NRCAM: variants seen among roughly 807,000 people sequenced by gnomAD.
NRCAM encodes the protein neuronal cell adhesion molecule.
A neutral mutation model predicts 156.5 loss-of-function variants in NRCAM; 83 were observed. That is an observed-to-expected ratio of 0.53 (90% CI 0.44 to 0.64). The LOEUF (loss-of-function observed/expected upper bound fraction) is 0.64. NRCAM is among the 30% of genes least tolerant of loss of function. The pLI, the probability that NRCAM is intolerant of heterozygous loss-of-function variation, is 0.00. For synonymous variants in NRCAM, 538 were observed against 563.9 expected, an observed-to-expected ratio of 0.95 and a Z score of 0.65; for missense variants, 1,417 against 1,597.3, an observed-to-expected ratio of 0.89 and a Z score of 1.92.
intron 13 of NRCAM, among the ~76,000 whole-genome samples, chr7:108,205,200 G>C (rs1402949757): frequency 6.6e-6 from 1 of 152,198 alleles, no homozygotes; most frequent in Non-Finnish European, 1.5e-5. Flanking sequence ...GAGGGAGCCC[G>C]TATGCTCCTT....
At position 108,178,148 on chromosome 7, in the gene NRCAM, C is replaced by T. The variant is rs79612390; in HGVS notation, c.2852-36G>A. ...GAACTTACAGTCAACACAAAGATTT[C>T]TGAATGTTTCAACATGTATTAAATT... On this transcript the variant is annotated intron_variant, in intron 25 of 32. Coordinates refer to ENST00000379028, the MANE Select transcript of NRCAM (RefSeq NM_001037132.4). The T allele has an allele frequency of 9.1e-4, 1,454 of 1,599,560 alleles. 10 individuals carry two copies. The East Asian group carries it at 0.016, about 18-fold the overall frequency.
intron 1 of NRCAM, among the ~76,000 whole-genome samples, chr7:108,430,534 T>C (rs1430230123): frequency 6.6e-6 from 1 of 152,106 alleles, no homozygotes; most frequent in Non-Finnish European, 1.5e-5. Flanking sequence ...TGCCAGAAAC[T>C]GAGATGAAGC....
chr7:108,243,149 C>T (rs991684702), intron 3 of NRCAM: 1 of 152,084 alleles, frequency 6.6e-6, no homozygotes, highest in Non-Finnish European at 1.5e-5. Flanking sequence ...TAAACTGCAC[C>T]ATTAGCCACA....
chr7:108,454,961 G>A lies in NRCAM; in HGVS notation c.-332+1282C>T, dbSNP rs1047770614. Reference sequence around the variant, plus strand: ...GAAGAAAAGGGAAGGAGAGAGGCGGGGTGCGAAAGAAACGCCACCGCTCGG... The same window carrying A: ...GAAGAAAAGGGAAGGAGAGAGGCGGAGTGCGAAAGAAACGCCACCGCTCGG... On this transcript the variant is annotated intron_variant, in intron 1 of 32. Coordinates refer to ENST00000379028, the MANE Select transcript of NRCAM (RefSeq NM_001037132.4). Among the ~76,000 whole-genome samples, 12 of 152,230 alleles carry A rather than the reference G, an allele frequency of 7.9e-5. 1 individual carries two copies. Among genetic ancestry groups the A allele is most frequent in the African/African-American group, 2.9e-4 (12 of 41,466 alleles).
chr7:108,391,228 A>C (rs535982782), intron 2 of NRCAM, among the ~76,000 whole-genome samples: 14 of 151,668 alleles, frequency 9.2e-5, no homozygotes, highest in Non-Finnish European at 1.6e-4. Context: ...GTAGGTCACT[A>C]AGGACTTGCT....
chr7:108,447,776 T>A (rs1389726147), intron 1 of NRCAM, among the ~76,000 whole-genome samples: 1 of 152,240 alleles, frequency 6.6e-6, no homozygotes, highest in Non-Finnish European at 1.5e-5. Flanking sequence ...GTAAGGTGAC[T>A]TATGAGTTAT....
chr7:108,348,620 A>G (rs67033131), intron 2 of NRCAM, among the ~76,000 whole-genome samples: 37,995 of 152,080 alleles, frequency 0.25, 5,250 homozygotes, highest in Non-Finnish European at 0.3. Context: ...GTTTGCAGAA[A>G]ATAAGAATTG....
intron 3 of NRCAM, among the ~76,000 whole-genome samples, chr7:108,250,672 T>G (rs1340354449): frequency 1.3e-5 from 2 of 151,068 alleles, no homozygotes; most frequent in Non-Finnish European, 2.9e-5. Context: ...ATAGAAACAA[T>G]GACTAAGACC....
At chr7:108,366,371 C>A (rs1198842338) in intron 2 of NRCAM, among the ~76,000 whole-genome samples, 3 of 152,054 alleles carry the variant, frequency 2.0e-5, no homozygotes, top group African/African-American at 7.2e-5. Context: ...GCAATTGAAC[C>A]ACTAATGTAA....
At chr7:108,150,216 T>C in intron 32 of NRCAM, 69 bp from the exon 33 acceptor site, 1 of 1,290,478 alleles carries the variant, frequency 7.7e-7, no homozygotes, top group East Asian at 2.3e-5. Context: ...TTAAAGACCA[T>C]GCATGCAAAT....
intron 2 of NRCAM, among the ~76,000 whole-genome samples, chr7:108,367,270 TCATATTTTTAA>T (rs1401105967): frequency 6.6e-6 from 1 of 152,180 alleles, no homozygotes; most frequent in Non-Finnish European, 1.5e-5. Flanking sequence ...AACTCTAAGT[TCATATTTTTAA>T]CATATAAAAG....
intron 3 of NRCAM, among the ~76,000 whole-genome samples, chr7:108,304,016 T>C (rs530304478): frequency 1.3e-5 from 2 of 152,296 alleles, no homozygotes; most frequent in South Asian, 4.1e-4. Context: ...CACTTATGAA[T>C]GAATGTATAA....
At chr7:108,159,153 G>A (rs1348439865) in intron 32 of NRCAM, 1 of 465,742 alleles carries the variant, frequency 2.1e-6, no homozygotes, top group Admixed American at 3.4e-5. Context: ...CTTTTTTGTT[G>A]TTTTAATGCT....
chr7:108,195,625 A>AC, intron 15 of NRCAM, 136 bp downstream of exon 15: 1 of 605,624 alleles, frequency 1.7e-6, no homozygotes, highest in Non-Finnish European at 3.0e-6. Flanking sequence ...CACAAGAAAA[A>AC]AAAATATATT....
chr7:108,174,359 C>T (rs1029498315), intron 28 of NRCAM, among the ~76,000 whole-genome samples: 5 of 152,202 alleles, frequency 3.3e-5, no homozygotes, highest in Non-Finnish European at 5.9e-5. Context: ...AGTCTAAGCT[C>T]ACAGGAGTTG....
rs1431330521 is a variant in NRCAM at position 108,331,989 on chromosome 7, G to GA, written c.-173-19259dup. On this transcript the variant is annotated intron_variant, in intron 2 of 32. Transcript: ENST00000379028. ...TTAAAGTAGCCCATAAACTAAGTGGGAAAAATGAATTAACCAAGTGTTTCT... is the reference window on the plus strand; with the variant it reads ...TTAAAGTAGCCCATAAACTAAGTGGGAAAAAATGAATTAACCAAGTGTTTCT... 2.0e-5 allele frequency among the ~76,000 whole-genome samples: 3 copies of GA among 152,176 alleles called. No homozygotes were observed. The East Asian group carries it at 5.8e-4, about 29-fold the overall frequency.
intron 4 of NRCAM, among the ~76,000 whole-genome samples, chr7:108,238,569 T>C (rs576514730): frequency 1.1e-4 from 16 of 152,304 alleles, no homozygotes; most frequent in East Asian, 5.8e-4. Flanking sequence ...GCAGTGATAA[T>C]TGAGTTAGCC....
intron 19 of NRCAM, among the ~76,000 whole-genome samples, chr7:108,190,152 G>C (rs1180357623): frequency 6.6e-6 from 1 of 152,202 alleles, no homozygotes; most frequent in African/African-American, 2.4e-5. Context: ...AAAAGGTGCT[G>C]TTTAAAGAAA....
At chr7:108,343,745 C>T (rs1487724893) in intron 2 of NRCAM, among the ~76,000 whole-genome samples, 2 of 152,178 alleles carry the variant, frequency 1.3e-5, no homozygotes, top group African/African-American at 4.8e-5. Flanking sequence ...CATTAGATGA[C>T]CAAATCATTA....
Sources: allele counts gnomAD v4.1 joint callset (sites outside exome capture counted in the v4.1 genomes callset), GRCh38; gene constraint gnomAD v4.1.1; transcripts MANE v1.5; gene names NCBI Gene and HGNC (gene_info 2026-07-23, HGNC 2026-07-21).